Variants in SDK1 observed in about 807,000 individuals in gnomAD.
SDK1 encodes the protein sidekick cell adhesion molecule 1, also known as protein sidekick-1.
In SDK1, 157 loss-of-function variants were observed where a neutral mutation model predicts 245.5. That is an observed-to-expected ratio of 0.64 (90% CI 0.56 to 0.73). The LOEUF (loss-of-function observed/expected upper bound fraction) is 0.73, where lower values mean the gene tolerates loss of function less well. Ranked by LOEUF, SDK1 falls within the 30% of genes least tolerant of loss-of-function variation. The probability of loss-of-function intolerance (pLI) is 0.00; values close to 1 mark genes in which losing one functional copy is unlikely to be tolerated. For synonymous variants in SDK1, 1,647 were observed against 1,278.5 expected, an observed-to-expected ratio of 1.29 and a Z score of -6.15; for missense variants, 3,583 against 3,002.3, an observed-to-expected ratio of 1.19 and a Z score of -4.52.
chr7:3,676,729 T>C (rs1408269324), intron 4 of SDK1, among the ~76,000 whole-genome samples: 1 of 152,244 alleles, frequency 6.6e-6, no homozygotes, highest in Non-Finnish European at 1.5e-5. Context: ...TTTATTCTTC[T>C]GCATATGGAT....
At chr7:3,870,445 T>C (rs1780929152) in intron 5 of SDK1, among the ~76,000 whole-genome samples, 1 of 152,126 alleles carries the variant, frequency 6.6e-6, no homozygotes, top group Non-Finnish European at 1.5e-5. Context: ...GTGTCATAAT[T>C]TTAAAGTAAA....
At position 3,841,573 on chromosome 7, in the gene SDK1, C is replaced by CT. The variant is rs553320567; in HGVS notation, c.847+20001dup. On this transcript the variant is annotated intron_variant, in intron 5 of 44. Transcript: ENST00000404826. ...TATCAGATTATTTTTTTCTCTTTTT[C>CT]TTTTTTTTTTTGAGACGGAGTTTTG... Among the ~76,000 whole-genome samples the CT allele has an allele frequency of 3.7e-3, 544 of 146,420 alleles. 1 individual carries two copies. The highest frequency in any genetic ancestry group is 9.8e-3 in the African/African-American group (394 of 40,096).
chr7:3,929,851 C>G (rs1386793918), intron 5 of SDK1, among the ~76,000 whole-genome samples: 1 of 152,154 alleles, frequency 6.6e-6, no homozygotes, highest in Non-Finnish European at 1.5e-5. Context: ...AGCTGGCTCA[C>G]AGTCATGCAG....
At chr7:3,782,963 G>T (rs58738480) in intron 4 of SDK1, among the ~76,000 whole-genome samples, 1 of 152,122 alleles carries the variant, frequency 6.6e-6, no homozygotes, top group Non-Finnish European at 1.5e-5. Context: ...CATAGATGCA[G>T]ATTTCTCAAC....
chr7:3,848,373 T>C (rs1377778857), intron 5 of SDK1, among the ~76,000 whole-genome samples: 2 of 152,174 alleles, frequency 1.3e-5, no homozygotes, highest in Non-Finnish European at 2.9e-5. Context: ...TTCCTGACAG[T>C]CCTGTCTTCC....
intron 17 of SDK1, among the ~76,000 whole-genome samples, chr7:4,043,203 G>A (rs981692957): frequency 5.3e-5 from 8 of 151,778 alleles, no homozygotes; most frequent in African/African-American, 1.9e-4. Flanking sequence ...GAGTGTCACA[G>A]CCAGGGGCCC....
intron 1 of SDK1, among the ~76,000 whole-genome samples, chr7:3,554,551 G>A (rs1469971298): frequency 6.6e-6 from 1 of 152,112 alleles, no homozygotes; most frequent in Non-Finnish European, 1.5e-5. Flanking sequence ...TCCTCCATAG[G>A]ATCACCAAAT....
intron 35 of SDK1, among the ~76,000 whole-genome samples, chr7:4,186,247 C>G (rs1782887290): frequency 6.6e-6 from 1 of 152,184 alleles, no homozygotes; most frequent in African/African-American, 2.4e-5. Context: ...AAGTTCTACC[C>G]ACTTTGCCCT....
At chr7:4,101,064 G>A (rs1782504602) in intron 22 of SDK1, among the ~76,000 whole-genome samples, 1 of 152,174 alleles carries the variant, frequency 6.6e-6, no homozygotes, top group South Asian at 2.1e-4. Context: ...TGCCAGAGAG[G>A]CCGCCTTGCC....
At chr7:3,966,979 C>G (rs940587726) in intron 9 of SDK1, among the ~76,000 whole-genome samples, 9 of 152,176 alleles carry the variant, frequency 5.9e-5, no homozygotes, top group Non-Finnish European at 1.2e-4. Context: ...GGCTACCTTT[C>G]ATTTAAAGAA....
chr7:4,052,350 C>T (rs990656799), intron 19 of SDK1, among the ~76,000 whole-genome samples: 12 of 151,966 alleles, frequency 7.9e-5, no homozygotes, highest in African/African-American at 2.9e-4. Flanking sequence ...TGAAGTTACC[C>T]CGAGAAAATA....
chr7:3,855,200 A>G (rs1029587400), intron 5 of SDK1, among the ~76,000 whole-genome samples: 1 of 152,128 alleles, frequency 6.6e-6, no homozygotes, highest in Non-Finnish European at 1.5e-5. Context: ...ACTGCAGGGG[A>G]TAGACACAGC....
intron 35 of SDK1, among the ~76,000 whole-genome samples, chr7:4,180,828 T>C (rs965869842): frequency 3.3e-5 from 5 of 152,082 alleles, no homozygotes; most frequent in African/African-American, 1.2e-4. Flanking sequence ...TCATGAGAAC[T>C]AAGCCATTCA....
At chr7:3,542,570 A>G (rs893626493) in intron 1 of SDK1, among the ~76,000 whole-genome samples, 4 of 152,230 alleles carry the variant, frequency 2.6e-5, no homozygotes, top group South Asian at 2.1e-4. Flanking sequence ...TGTTTATGCA[A>G]TATTGCTTGA....
At chr7:3,865,777 C>T (rs148210363) in intron 5 of SDK1, among the ~76,000 whole-genome samples, 1,693 of 152,126 alleles carry the variant, frequency 0.011, 14 homozygotes, top group Middle Eastern at 0.031. Flanking sequence ...GGATTACAGG[C>T]ATGAGCCACT....
intron 21 of SDK1, among the ~76,000 whole-genome samples, chr7:4,077,608 A>G (rs1780777400): frequency 6.6e-6 from 1 of 152,230 alleles, no homozygotes; most frequent in African/African-American, 2.4e-5. Flanking sequence ...ACAGTTCCGT[A>G]TGGTTGGGGA....
At chr7:3,767,985 C>T (rs1341669262) in intron 4 of SDK1, among the ~76,000 whole-genome samples, 1 of 152,174 alleles carries the variant, frequency 6.6e-6, no homozygotes, top group Non-Finnish European at 1.5e-5. Flanking sequence ...AACTCTAATA[C>T]GTAGGTGCTG....
intron 35 of SDK1, among the ~76,000 whole-genome samples, chr7:4,203,137 C>A (rs556543330): frequency 6.6e-6 from 1 of 152,252 alleles, no homozygotes; most frequent in Non-Finnish European, 1.5e-5. Flanking sequence ...CAGGAGGCCA[C>A]GCCATAACCC....
intron 1 of SDK1, among the ~76,000 whole-genome samples, chr7:3,431,071 T>A (rs760493453): frequency 1.3e-5 from 2 of 152,130 alleles, no homozygotes; most frequent in Non-Finnish European, 2.9e-5. Context: ...TGGCTAATTT[T>A]TTTATTTTTC....
Sources: gnomAD v4.1 joint callset for allele counts (sites outside exome capture counted in the v4.1 genomes callset) on GRCh38, gnomAD v4.1.1 for gene constraint, MANE v1.5 for transcripts, NCBI Gene and HGNC (gene_info 2026-07-23, HGNC 2026-07-21) for gene names.